Variants in C12orf42 observed in about 807,000 individuals in gnomAD.
The protein encoded by C12orf42 is uncharacterized protein C12orf42.
Under a neutral mutation model 21.6 loss-of-function variants are expected in C12orf42, and 25 were observed. The observed-to-expected ratio is 1.16, with a 90% confidence interval of 0.84 to 1.62. The LOEUF is 1.62. Ranked by LOEUF, C12orf42 falls within the 40% of genes most tolerant of loss-of-function variation. The pLI is 0.00. For missense variants in C12orf42, 483 were observed against 459.3 expected (o/e 1.05, Z -0.47); for synonymous variants, 174 against 175.0 (o/e 0.99, Z 0.05).
chr12:103,441,657 G>A (rs1951254524), intron 2 of C12orf42: 1 of 152,132 alleles, frequency 6.6e-6, no homozygotes, highest in Non-Finnish European at 1.5e-5. Context: ...GGGGACAATA[G>A]AAAGCAAGCT....
At chr12:103,485,009 A>G (rs1954736444) in intron 1 of C12orf42, among the ~76,000 whole-genome samples, 1 of 151,686 alleles carries the variant, frequency 6.6e-6, no homozygotes, top group African/African-American at 2.4e-5. Flanking sequence ...ACCTGGGACT[A>G]CAAGTGCCCG....
chr12:103,364,471 G>GA (rs566651821), intron 4 of C12orf42, among the ~76,000 whole-genome samples: 201 of 150,516 alleles, frequency 1.3e-3, no homozygotes, highest in Admixed American at 5.9e-3. Flanking sequence ...AAACCCAGCA[G>GA]AAAAAAGGAA....
At chr12:103,189,801 C>T in the C12orf42 span, among the ~76,000 whole-genome samples, 12 of 152,228 alleles carry the variant, frequency 7.9e-5, no homozygotes, top group Non-Finnish European at 1.8e-4. Flanking sequence ...TGCCTATGGA[C>T]TTCAGCAGCA....
chr12:103,174,006 G>A, the C12orf42 span, among the ~76,000 whole-genome samples: 178 of 152,280 alleles, frequency 1.2e-3, 2 homozygotes, highest in African/African-American at 4.2e-3. Context: ...ATCCAAATTA[G>A]AGGCTATCTC....
chr12:103,071,573 T>C, the C12orf42 span, among the ~76,000 whole-genome samples: 1 of 152,102 alleles, frequency 6.6e-6, no homozygotes, highest in South Asian at 2.1e-4. Context: ...AATTGAATCA[T>C]GGGGGCGGTT....
At chr12:103,529,067 A>G in the C12orf42 span, among the ~76,000 whole-genome samples, 1 of 152,128 alleles carries the variant, frequency 6.6e-6, no homozygotes, top group African/African-American at 2.4e-5. Context: ...AAAAACAACA[A>G]CGAAAAAAAA....
the C12orf42 span, among the ~76,000 whole-genome samples, chr12:103,093,964 G>A: frequency 2.0e-5 from 3 of 152,146 alleles, no homozygotes. Flanking sequence ...ACTCTGGTCT[G>A]TATACTTAAG....
chr12:103,525,209 T>A, the C12orf42 span, among the ~76,000 whole-genome samples: 1 of 151,880 alleles, frequency 6.6e-6, no homozygotes, highest in African/African-American at 2.4e-5. Flanking sequence ...TGATAGAGAT[T>A]GGGCGGGGGG....
chr12:103,184,135 T>C, the C12orf42 span, among the ~76,000 whole-genome samples: 1 of 152,332 alleles, frequency 6.6e-6, no homozygotes, highest in East Asian at 1.9e-4. Context: ...TGTCAGTTTC[T>C]GGGGACACTG....
At chr12:103,154,716 T>A in the C12orf42 span, among the ~76,000 whole-genome samples, 1 of 152,212 alleles carries the variant, frequency 6.6e-6, no homozygotes, top group South Asian at 2.1e-4. Flanking sequence ...GAAAAATTAG[T>A]TTTATGAGGG....
At chr12:103,553,698 T>A in the C12orf42 span, among the ~76,000 whole-genome samples, 3 of 152,164 alleles carry the variant, frequency 2.0e-5, no homozygotes, top group Admixed American at 6.6e-5. Flanking sequence ...CAGCCCCACC[T>A]GCTCACTGTG....
At chr12:103,228,759 C>G in the C12orf42 span, among the ~76,000 whole-genome samples, 1 of 151,998 alleles carries the variant, frequency 6.6e-6, no homozygotes, top group African/African-American at 2.4e-5. Flanking sequence ...TTTCTCCTGT[C>G]TCTGTATGGA....
chr12:103,378,102 T>C (rs1219613911), intron 3 of C12orf42, among the ~76,000 whole-genome samples: 1 of 152,116 alleles, frequency 6.6e-6, no homozygotes, highest in Non-Finnish European at 1.5e-5. Context: ...CTGACCTGGC[T>C]ATTCCAGCTC....
At chr12:103,251,669 C>T (rs957567053) in intron 10 of C12orf42, among the ~76,000 whole-genome samples, 1 of 152,100 alleles carries the variant, frequency 6.6e-6, no homozygotes, top group Non-Finnish European at 1.5e-5. Context: ...AGTATGACAC[C>T]TACTAGGACT....
At chr12:103,507,013 A>AT in the C12orf42 span, among the ~76,000 whole-genome samples, 345 of 8,238 alleles carry the variant, frequency 0.042, 50 homozygotes, top group South Asian at 0.086. Flanking sequence ...TATTATATAT[A>AT]AATATATATT....
chr12:103,534,077 T>C, the C12orf42 span, among the ~76,000 whole-genome samples: 1 of 152,232 alleles, frequency 6.6e-6, no homozygotes, highest in African/African-American at 2.4e-5. Flanking sequence ...AATTCTTCAA[T>C]TCAATCAACA....
chr12:103,483,915 G>A (rs1380529936), intron 1 of C12orf42, among the ~76,000 whole-genome samples: 1 of 152,088 alleles, frequency 6.6e-6, no homozygotes, highest in African/African-American at 2.4e-5. Flanking sequence ...TGCAGTGTTT[G>A]GTTTTCTGTC....
chr12:103,227,275 G>C, the C12orf42 span, among the ~76,000 whole-genome samples: 3 of 151,978 alleles, frequency 2.0e-5, no homozygotes. Context: ...AAGAGGTCGG[G>C]GCGTGGAAAT....
chr12:103,355,759 G>T (rs1325661870), intron 4 of C12orf42, among the ~76,000 whole-genome samples: 1 of 152,012 alleles, frequency 6.6e-6, no homozygotes, highest in African/African-American at 2.4e-5. Context: ...ATTTTAGCAA[G>T]ACATCCTAGC....
Sources: gnomAD v4.1 joint callset for allele counts (sites outside exome capture counted in the v4.1 genomes callset) on GRCh38, gnomAD v4.1.1 for gene constraint, MANE v1.5 for transcripts, NCBI Gene and HGNC (gene_info 2026-07-23, HGNC 2026-07-21) for gene names.